Variants in CPPED1 observed in about 807,000 individuals in gnomAD.
CPPED1 encodes the protein serine/threonine-protein phosphatase CPPED1.
Under a neutral mutation model 28.0 loss-of-function variants are expected in CPPED1, and 28 were observed. The observed-to-expected ratio is 1.00, with a 90% confidence interval of 0.74 to 1.37. The LOEUF is 1.37. Ranked by LOEUF, CPPED1 falls within the 40% of genes most tolerant of loss-of-function variation. The probability of loss-of-function intolerance (pLI) is 0.00; values close to 1 mark genes in which losing one functional copy is unlikely to be tolerated. For synonymous variants in CPPED1, 198 were observed against 180.2 expected, an observed-to-expected ratio of 1.10 and a Z score of -0.79; for missense variants, 504 against 416.5, an observed-to-expected ratio of 1.21 and a Z score of -1.83.
In CPPED1 at chr16:12,664,784, T is replaced by C; in HGVS notation, c.*102A>G. The stretch of plus-strand genomic sequence containing the variant: ...AAGGACATAAATTCACAAACCTGCC[T>C]GGGCTATTTTTATATTTCAGCAAGA... On this transcript the variant is annotated 3_prime_UTR_variant, in exon 4 of 4. Coordinates refer to ENST00000381774, the MANE Select transcript of CPPED1 (RefSeq NM_018340.3). The surrounding 1 kb of genome is among the most constrained non-coding windows in gnomAD (Gnocchi z 4.2). 1.3e-6 allele frequency: 2 copies of C among 1,543,266 alleles called. No homozygotes were observed. Among genetic ancestry groups the C allele is most frequent in the Non-Finnish European group, 1.7e-6 (2 of 1,153,010 alleles).
chr16:12,787,042 G>A (rs1021330652), intron 1 of CPPED1, among the ~76,000 whole-genome samples: 1 of 152,084 alleles, frequency 6.6e-6, no homozygotes, highest in Non-Finnish European at 1.5e-5. Context: ...ACACCCATAC[G>A]TACACACACA....
chr16:12,666,453 G>A (rs1410417089), intron 3 of CPPED1, among the ~76,000 whole-genome samples: 1 of 152,258 alleles, frequency 6.6e-6, no homozygotes, highest in African/African-American at 2.4e-5. Flanking sequence ...TTTACGGAAG[G>A]AGGCTGAAGA....
intron 3 of CPPED1, among the ~76,000 whole-genome samples, chr16:12,678,580 A>T (rs2079889783): frequency 6.6e-6 from 1 of 152,190 alleles, no homozygotes; most frequent in Non-Finnish European, 1.5e-5. Context: ...TACTTTCAGC[A>T]ATGTTTTGTA....
chr16:12,769,054 G>A (rs1455824082), intron 2 of CPPED1, among the ~76,000 whole-genome samples: 3 of 151,740 alleles, frequency 2.0e-5, no homozygotes, highest in African/African-American at 4.8e-5. Flanking sequence ...TAGTAGAGAC[G>A]GGGTTTTACC....
chr16:12,757,572 G>T (rs2141224056), intron 2 of CPPED1: 1 of 147,918 alleles, frequency 6.8e-6, no homozygotes, highest in East Asian at 2.0e-4. Flanking sequence ...ACTGCAAAGG[G>T]AAGACTGCTA....
At chr16:12,771,043 T>C (rs889817751) in intron 2 of CPPED1, among the ~76,000 whole-genome samples, 22 of 152,130 alleles carry the variant, frequency 1.4e-4, no homozygotes, top group Non-Finnish European at 2.5e-4. Flanking sequence ...TACATATTAC[T>C]TGTAGAATTT....
chr16:12,688,727 T>C (rs1477569072), intron 3 of CPPED1, among the ~76,000 whole-genome samples: 1 of 152,218 alleles, frequency 6.6e-6, no homozygotes, highest in East Asian at 1.9e-4. Flanking sequence ...GCAGGGCCGA[T>C]GCTTACTCCA....
chr16:12,791,075 T>C lies in CPPED1; in HGVS notation c.71-9672A>G, dbSNP rs148009089. Among the ~76,000 whole-genome samples, 861 of 151,650 alleles carry C rather than the reference T, an allele frequency of 5.7e-3. 11 individuals are homozygous for C. The highest frequency in any genetic ancestry group is 0.02 in the African/African-American group (824 of 41,278). On this transcript the variant is annotated intron_variant, in intron 1 of 3. Coordinates refer to ENST00000381774, the MANE Select transcript of CPPED1 (RefSeq NM_018340.3). ...TTTTTTTTTTTAATTTTACTTTAAG[T>C]TCTGGGATACATGTGCAGAACACGC...
At chr16:12,720,605 A>C (rs1434311433) in intron 2 of CPPED1, among the ~76,000 whole-genome samples, 1 of 152,166 alleles carries the variant, frequency 6.6e-6, no homozygotes, top group East Asian at 1.9e-4. Context: ...CTCCTGACTC[A>C]GCCTCCTGAG....
chr16:12,736,190 A>G (rs1257236514), intron 2 of CPPED1, among the ~76,000 whole-genome samples: 1 of 135,514 alleles, frequency 7.4e-6, no homozygotes, highest in East Asian at 2.2e-4. Flanking sequence ...TGTGTAGATC[A>G]TATGCAAGTA....
chr16:12,672,819 G>C (rs1368281107), intron 3 of CPPED1, among the ~76,000 whole-genome samples: 1 of 152,110 alleles, frequency 6.6e-6, no homozygotes, highest in Non-Finnish European at 1.5e-5. Flanking sequence ...TTCGAGAACA[G>C]CCTGGCCAAG....
chr16:12,674,427 G>A (rs1713471), intron 3 of CPPED1, among the ~76,000 whole-genome samples: 106,891 of 152,022 alleles, frequency 0.7, 41,133 homozygotes, highest in Non-Finnish European at 0.88. Context: ...GAAGCCTGGT[G>A]AGTTTCCAGA....
chr16:12,770,243 A>G (rs183178013), intron 2 of CPPED1, among the ~76,000 whole-genome samples: 116 of 152,298 alleles, frequency 7.6e-4, no homozygotes, highest in African/African-American at 2.7e-3. Flanking sequence ...AATGGCGCTG[A>G]GGCAGATTCT....
intron 1 of CPPED1, among the ~76,000 whole-genome samples, chr16:12,781,946 C>T (rs2080534221): frequency 6.6e-6 from 1 of 150,876 alleles, no homozygotes; most frequent in Admixed American, 6.6e-5. Context: ...GAAATGAAAT[C>T]TCGGAATGAG....
chr16:12,783,809 GCA>G (rs1315305291), intron 1 of CPPED1, among the ~76,000 whole-genome samples: 1 of 152,134 alleles, frequency 6.6e-6, no homozygotes, highest in Admixed American at 6.5e-5. Flanking sequence ...TCAACTTACA[GCA>G]CAGTGTTCAA....
chr16:12,774,815 G>A (rs938896), intron 2 of CPPED1, among the ~76,000 whole-genome samples: 2,695 of 151,954 alleles, frequency 0.018, 91 homozygotes, highest in African/African-American at 0.061. Context: ...GCTTTTTTGT[G>A]TGTTTTTTGT....
At chr16:12,710,511 C>T (rs923858280) in intron 2 of CPPED1, among the ~76,000 whole-genome samples, 6 of 148,484 alleles carry the variant, frequency 4.0e-5, no homozygotes, top group South Asian at 2.1e-4. Flanking sequence ...AAATGCAAAA[C>T]GTTTGTGCAT....
chr16:12,767,003 A>ATT (rs11408805), intron 2 of CPPED1, among the ~76,000 whole-genome samples: 2,602 of 149,394 alleles, frequency 0.017, 86 homozygotes, highest in African/African-American at 0.061. Context: ...AGAGGTCCTC[A>ATT]TTTTTTTTTT....
At chr16:12,697,319 T>C (rs1420755637) in intron 3 of CPPED1, among the ~76,000 whole-genome samples, 1 of 152,226 alleles carries the variant, frequency 6.6e-6, no homozygotes, top group African/African-American at 2.4e-5. Context: ...TTCTAATACA[T>C]GTGAAGCTGA....
Sources: allele counts gnomAD v4.1 joint callset (sites outside exome capture counted in the v4.1 genomes callset), GRCh38; gene constraint gnomAD v4.1.1; non-coding constraint Gnocchi (gnomAD v3.1); transcripts MANE v1.5; gene names NCBI Gene and HGNC (gene_info 2026-07-23, HGNC 2026-07-21).